Variants in HERC4 observed in about 807,000 individuals in gnomAD.
HERC4 encodes HECT and RLD domain containing E3 ubiquitin protein ligase 4, also known as probable E3 ubiquitin-protein ligase HERC4.
Under a neutral mutation model 124.3 loss-of-function variants are expected in HERC4, and 28 were observed. The observed-to-expected ratio is 0.23, with a 90% confidence interval of 0.17 to 0.31. The LOEUF (loss-of-function observed/expected upper bound fraction) is 0.31, where lower values mean the gene tolerates loss of function less well. HERC4 is among the 10% of genes least tolerant of loss of function. The pLI, the probability that HERC4 is intolerant of heterozygous loss-of-function variation, is 1.00. For synonymous variants in HERC4, 407 were observed against 421.5 expected, an observed-to-expected ratio of 0.97 and a Z score of 0.42; for missense variants, 713 against 1,229.3, an observed-to-expected ratio of 0.58 and a Z score of 6.28.
At chr10:68,046,986 A>C (rs75403123) in intron 3 of HERC4, among the ~76,000 whole-genome samples, 67 of 149,602 alleles carry the variant, frequency 4.5e-4, no homozygotes, top group South Asian at 1.5e-3. Context: ...AACAAACAAA[A>C]AAAAACATGA....
At chr10:68,004,423 G>C in intron 9 of HERC4, among the ~76,000 whole-genome samples, 1 of 152,078 alleles carries the variant, frequency 6.6e-6, no homozygotes, top group East Asian at 1.9e-4. Flanking sequence ...GTCCACTTTT[G>C]CTTTGGTTGC....
At chr10:67,933,391 G>C (rs534889062) in intron 22 of HERC4, among the ~76,000 whole-genome samples, 1 of 152,074 alleles carries the variant, frequency 6.6e-6, no homozygotes, top group South Asian at 2.1e-4. Context: ...GATACAAAAC[G>C]AAACTGTAAA....
intron 5 of HERC4, among the ~76,000 whole-genome samples, chr10:68,037,006 A>G (rs2039508759): frequency 6.6e-6 from 1 of 151,280 alleles, no homozygotes. Context: ...GTGCTTCCCC[A>G]TGGTTCCTAG....
chr10:68,020,766 CT>C (rs1177078245), intron 8 of HERC4, among the ~76,000 whole-genome samples: 3 of 128,228 alleles, frequency 2.3e-5, no homozygotes, highest in South Asian at 5.3e-4. Flanking sequence ...GAGACTCCGT[CT>C]CAAAAAAAAA....
chr10:67,936,971 A>G (rs1435937364), intron 21 of HERC4, among the ~76,000 whole-genome samples: 3 of 152,172 alleles, frequency 2.0e-5, no homozygotes, highest in Non-Finnish European at 4.4e-5. Context: ...CATTTATAAG[A>G]CAGAGATGAA....
At chr10:68,041,400 T>C (rs1032559485) in intron 4 of HERC4, among the ~76,000 whole-genome samples, 9 of 152,154 alleles carry the variant, frequency 5.9e-5, no homozygotes, top group Non-Finnish European at 1.2e-4. Context: ...AAAACTACTC[T>C]TTAATTTTTC....
intron 9 of HERC4, among the ~76,000 whole-genome samples, chr10:67,997,033 CCT>C (rs1009598199): frequency 6.6e-6 from 1 of 151,912 alleles, no homozygotes; most frequent in Admixed American, 6.6e-5. Context: ...CTTCAAGAAC[CCT>C]CTGAGATAGA....
At chr10:67,943,246 G>C (rs2033064993) in intron 19 of HERC4, among the ~76,000 whole-genome samples, 1 of 152,168 alleles carries the variant, frequency 6.6e-6, no homozygotes, top group African/African-American at 2.4e-5. Context: ...TTCTTAAATA[G>C]AGCAGACTGA....
intron 19 of HERC4, among the ~76,000 whole-genome samples, chr10:67,949,398 A>G (rs1442904715): frequency 1.3e-5 from 2 of 152,250 alleles, no homozygotes; most frequent in Admixed American, 6.5e-5. Flanking sequence ...CTTCCAAAAG[A>G]TCACAGCAGA....
At chr10:68,013,127 C>T (rs2133118252) in intron 9 of HERC4, among the ~76,000 whole-genome samples, 1 of 152,346 alleles carries the variant, frequency 6.6e-6, no homozygotes, top group South Asian at 2.1e-4. Context: ...ATTTTTCCAA[C>T]AGCATGTGCT....
chr10:68,005,124 A>C (rs566303411), intron 9 of HERC4, among the ~76,000 whole-genome samples: 1 of 152,178 alleles, frequency 6.6e-6, no homozygotes, highest in African/African-American at 2.4e-5. Flanking sequence ...CCATTGGTCC[A>C]TGTGTCTGTT....
chr10:68,047,141 A>C (rs751156673), intron 3 of HERC4, among the ~76,000 whole-genome samples: 1 of 152,178 alleles, frequency 6.6e-6, no homozygotes, highest in Non-Finnish European at 1.5e-5. Context: ...AATCAGACAA[A>C]AAATAGTATT....
At chr10:68,035,995 T>A (rs541488161) in intron 5 of HERC4, among the ~76,000 whole-genome samples, 11 of 152,172 alleles carry the variant, frequency 7.2e-5, no homozygotes, top group Non-Finnish European at 1.3e-4. Flanking sequence ...TACTGTAGTA[T>A]GCCTAGTTCA....
intron 9 of HERC4, chr10:67,995,111 T>C (rs556591330): frequency 3.1e-6 from 1 of 325,814 alleles, no homozygotes; most frequent in African/African-American, 2.2e-5. Flanking sequence ...ACATTTGGCT[T>C]GGTCTTCTGT....
chr10:68,063,401 G>A (rs2041133504), intron 3 of HERC4, among the ~76,000 whole-genome samples: 6 of 151,776 alleles, frequency 4.0e-5, no homozygotes, highest in Admixed American at 3.9e-4. Context: ...GTAGAGACGG[G>A]GTCTCACTAC....
chr10:68,010,413 G>C (rs919389610), intron 9 of HERC4: 22 of 965,068 alleles, frequency 2.3e-5, no homozygotes, highest in Non-Finnish European at 3.6e-5. Flanking sequence ...ATCCTCTCAT[G>C]GTGCATAATC....
intron 15 of HERC4, among the ~76,000 whole-genome samples, chr10:67,972,882 A>T (rs1398029309): frequency 6.6e-6 from 1 of 152,230 alleles, no homozygotes; most frequent in Non-Finnish European, 1.5e-5. Context: ...TGAAATATGC[A>T]TGCACAGATA....
intron 19 of HERC4, among the ~76,000 whole-genome samples, chr10:67,944,631 T>C (rs1424740816): frequency 2.6e-5 from 4 of 152,168 alleles, no homozygotes; most frequent in Non-Finnish European, 5.9e-5. Context: ...TGACCAATCA[T>C]GGAGAGACTG....
chr10:67,956,913 T>C lies in HERC4; in HGVS notation c.1990A>G (p.Thr664Ala), dbSNP rs534727470. The change falls in exon 17 of 25, where the codon ACT (threonine) becomes GCT (alanine). Residue 664 changes from threonine (T) to alanine (A), a missense_variant. Transcript: ENST00000373700. ...AAGACTGCATCGGTCTGTAACAGAGTAGTTTTTGCTTGGGCATCAAATACA... is the reference window on the plus strand; with the variant it reads ...AAGACTGCATCGGTCTGTAACAGAGCAGTTTTTGCTTGGGCATCAAATACA... ...PFVFDAQAKT[T>A]LLQTDAVLQM... The C allele has an allele frequency of 2.5e-6, 4 of 1,600,810 alleles. No individual in the cohort carries two copies. In the South Asian group the frequency reaches 4.5e-5, roughly 18 times the overall value.
Sources: gnomAD v4.1 joint callset for allele counts (sites outside exome capture counted in the v4.1 genomes callset) on GRCh38, gnomAD v4.1.1 for gene constraint, MANE v1.5 for transcripts, NCBI Gene and HGNC (gene_info 2026-07-23, HGNC 2026-07-21) for gene names.